The following TRPM3 variants were observed in gnomAD, a reference collection of about 807,000 sequenced individuals.
The protein encoded by TRPM3 is long transient receptor potential channel 3.
A neutral mutation model predicts 181.2 loss-of-function variants in TRPM3; 77 were observed. That is an observed-to-expected ratio of 0.42 (90% confidence interval 0.35 to 0.51). The LOEUF (loss-of-function observed/expected upper bound fraction) is 0.51, where lower values mean the gene tolerates loss of function less well. TRPM3 is among the 20% of genes least tolerant of loss of function. The probability of loss-of-function intolerance (pLI) is 0.01; values close to 1 mark genes in which losing one functional copy is unlikely to be tolerated. For missense variants in TRPM3, 1,759 were observed against 2,196.7 expected (o/e 0.80, Z 3.98); for synonymous variants, 745 against 796.4 (o/e 0.94, Z 1.09).
intron 6 of TRPM3, among the ~76,000 whole-genome samples, chr9:70,798,307 G>T (rs2087812578): frequency 6.6e-6 from 1 of 152,078 alleles, no homozygotes; most frequent in African/African-American, 2.4e-5. Context: ...TGCCTGCCTT[G>T]ACCTCTCAAA....
intron 1 of TRPM3, among the ~76,000 whole-genome samples, chr9:71,139,381 A>G (rs568116363): frequency 6.6e-5 from 10 of 152,324 alleles, no homozygotes; most frequent in Admixed American, 2.0e-4. Flanking sequence ...AATAATTAAA[A>G]CAAAAATTTC....
chr9:71,413,909 T>C (rs2093600109), intron 1 of TRPM3, among the ~76,000 whole-genome samples: 1 of 151,662 alleles, frequency 6.6e-6, no homozygotes, highest in Non-Finnish European at 1.5e-5. Flanking sequence ...TACAGTCACA[T>C]AAAACAAACT....
chr9:71,193,048 G>A (rs1019429046), intron 1 of TRPM3, among the ~76,000 whole-genome samples: 2 of 151,832 alleles, frequency 1.3e-5, no homozygotes, highest in Non-Finnish European at 2.9e-5. Flanking sequence ...TTATCTTTAA[G>A]GAGATGACAT....
At chr9:71,131,912 C>A (rs1587548149) in intron 1 of TRPM3, among the ~76,000 whole-genome samples, 1 of 152,122 alleles carries the variant, frequency 6.6e-6, no homozygotes, top group Admixed American at 6.5e-5. Context: ...CATTAAAAAT[C>A]TGGACAATTC....
At chr9:71,127,316 C>CACA (rs1565253257) in intron 1 of TRPM3, among the ~76,000 whole-genome samples, 1 of 149,304 alleles carries the variant, frequency 6.7e-6, no homozygotes, top group African/African-American at 2.4e-5. Flanking sequence ...CACACACACA[C>CACA]CCCTGAACTG....
chr9:70,639,042 G>A lies in TRPM3; in HGVS notation c.1581+18C>T. The A allele has an allele frequency of 6.2e-7, 1 of 1,609,192 alleles. No homozygotes were observed. The highest frequency in any genetic ancestry group is 8.5e-7 in the Non-Finnish European group (1 of 1,178,336). On this transcript the variant is annotated intron_variant, in intron 11 of 25. Coordinates refer to ENST00000677713, the MANE Select transcript of TRPM3 (RefSeq NM_001366145.2). ...ACAGAAAAAAAAGAAAATAAAAAGTGCCTTAGTTTGGCCCTACCGTATTGT... is the reference window on the plus strand; with the variant it reads ...ACAGAAAAAAAAGAAAATAAAAAGTACCTTAGTTTGGCCCTACCGTATTGT...
chr9:71,305,722 T>G (rs145437012), intron 1 of TRPM3, among the ~76,000 whole-genome samples: 275 of 152,316 alleles, frequency 1.8e-3, no homozygotes, highest in African/African-American at 6.1e-3. Flanking sequence ...GGGTCATTAT[T>G]CAGCATGGTA....
At chr9:70,800,101 G>A (rs2088486538) in intron 6 of TRPM3, among the ~76,000 whole-genome samples, 1 of 151,860 alleles carries the variant, frequency 6.6e-6, no homozygotes, top group Non-Finnish European at 1.5e-5. Context: ...TTTTTTTCAA[G>A]TACAAATATG....
chr9:71,334,622 A>C (rs2090433541), intron 1 of TRPM3, among the ~76,000 whole-genome samples: 1 of 152,058 alleles, frequency 6.6e-6, no homozygotes, highest in South Asian at 2.1e-4. Flanking sequence ...TCCCTGAACT[A>C]TAATCCTTTA....
At chr9:70,926,439 TAG>T (rs2096722224) in intron 1 of TRPM3, among the ~76,000 whole-genome samples, 1 of 152,166 alleles carries the variant, frequency 6.6e-6, no homozygotes. Context: ...TGTGATTTCA[TAG>T]AGAGATGCAC....
chr9:70,890,524 C>T (rs188874536), intron 1 of TRPM3, among the ~76,000 whole-genome samples: 14 of 152,088 alleles, frequency 9.2e-5, no homozygotes, highest in East Asian at 1.9e-4. Flanking sequence ...CAAAGAATAA[C>T]GCTGTAGAAT....
intron 8 of TRPM3, among the ~76,000 whole-genome samples, chr9:70,681,995 G>A (rs372944552): frequency 3.5e-4 from 54 of 152,260 alleles, no homozygotes; most frequent in African/African-American, 1.1e-3. Context: ...CACCACGTGA[G>A]GACACAGCTA....
chr9:71,429,773 G>A (rs1411392672), intron 1 of TRPM3, among the ~76,000 whole-genome samples: 5 of 152,082 alleles, frequency 3.3e-5, no homozygotes, highest in Non-Finnish European at 5.9e-5. Flanking sequence ...CATAGGTTTG[G>A]AGTCAGACCT....
intron 1 of TRPM3, among the ~76,000 whole-genome samples, chr9:70,953,975 G>T (rs926762546): frequency 1.3e-5 from 2 of 152,068 alleles, no homozygotes; most frequent in African/African-American, 4.8e-5. Context: ...AACTTCAGTG[G>T]GTCTTCTCAG....
chr9:71,196,197 T>C (rs2078347395), intron 1 of TRPM3, among the ~76,000 whole-genome samples: 1 of 147,740 alleles, frequency 6.8e-6, no homozygotes, highest in South Asian at 2.1e-4. Flanking sequence ...GTGTGTGTTT[T>C]GTACTTATTT....
Position 71,372,808 on chromosome 9 carries a change from G to A in TRPM3, c.183+73845C>T, listed in dbSNP as rs1213655715. 2.6e-5 allele frequency among the ~76,000 whole-genome samples: 4 copies of A among 152,232 alleles called. No individual in the cohort carries two copies. In the East Asian group the frequency reaches 7.7e-4, roughly 29 times the overall value. On this transcript the variant is annotated intron_variant, in intron 1 of 24. Coordinates refer to the TRPM3 transcript ENST00000357533. ...AAGGGTCAAGACCCATTGGCATGCT[G>A]TCTTCAAGAGACCCAACACATTACA...
intron 1 of TRPM3, among the ~76,000 whole-genome samples, chr9:70,925,247 A>G (rs2096709511): frequency 6.6e-6 from 1 of 152,192 alleles, no homozygotes; most frequent in South Asian, 2.1e-4. Context: ...GCACATTGGT[A>G]TTATTAAAAT....
At chr9:71,171,254 C>A (rs1214758366) in intron 1 of TRPM3, among the ~76,000 whole-genome samples, 1 of 152,196 alleles carries the variant, frequency 6.6e-6, no homozygotes, top group Non-Finnish European at 1.5e-5. Context: ...TCCTGTGGTC[C>A]TGTGATCTCA....
rs1471010107 is a variant in TRPM3, at chr9:71,225,662, A to G, written c.183+220991T>C. Among the ~76,000 whole-genome samples, 5 of 152,106 alleles carry G rather than the reference A, an allele frequency of 3.3e-5. No homozygotes were observed. In the South Asian group the frequency reaches 8.3e-4, roughly 25 times the overall value. ...AAAGATAAACAAATAAAAAGTAACT[A>G]TAACTTTTCTTTTTTGAGATGGAGT... On this transcript the variant is annotated intron_variant, in intron 1 of 24. Transcript: ENST00000357533.
Sources: gnomAD v4.1 joint callset for allele counts (sites outside exome capture counted in the v4.1 genomes callset) on GRCh38, gnomAD v4.1.1 for gene constraint, MANE v1.5 for transcripts, NCBI Gene and HGNC (gene_info 2026-07-23, HGNC 2026-07-21) for gene names.